The following ZNF763 variants were observed in gnomAD, a reference collection of about 807,000 sequenced individuals.
The protein encoded by ZNF763 is DNA-binding protein.
A neutral mutation model predicts 38.0 loss-of-function variants in ZNF763; 33 were observed. That is an observed-to-expected ratio of 0.87 (90% CI 0.66 to 1.16). ZNF763 has a LOEUF of 1.16. ZNF763 is among the 50% of genes most tolerant of loss of function. ZNF763 has a pLI of 0.00. For missense variants in ZNF763, 423 were observed against 469.1 expected, an observed-to-expected ratio of 0.90 and a Z score of 0.91; for synonymous variants, 155 against 160.1, an observed-to-expected ratio of 0.97 and a Z score of 0.24.
chr19:11,972,013 G>C (rs1394776433), intron 1 of ZNF763, among the ~76,000 whole-genome samples: 1 of 151,478 alleles, frequency 6.6e-6, no homozygotes, highest in Non-Finnish European at 1.5e-5. Context: ...AGTGAGCCAA[G>C]ATGGTGTCAT....
rs546279826 is a variant in ZNF763 at position 11,980,241 on chromosome 19, C to T, written c.*1132C>T. ...ACTAAAACTACAAAAATTGGCCAGG[C>T]GTGGTGGCCTGCTTCTGTAATCCTA... On this transcript the variant is annotated 3_prime_UTR_variant, in exon 4 of 4. Coordinates refer to ENST00000358987, the MANE Select transcript of ZNF763 (RefSeq NM_001367172.2). 9 of 358,390 alleles carry T rather than the reference C, an allele frequency of 2.5e-5. No individual in the cohort carries two copies. The highest frequency in any genetic ancestry group is 4.3e-5 in the Admixed American group (1 of 23,192). 22.2% of individuals were successfully genotyped at this position (358,390 alleles called of 1,614,324 possible).
At chr19:11,976,150 A>G (rs1423370543) in intron 1 of ZNF763, among the ~76,000 whole-genome samples, 1 of 149,416 alleles carries the variant, frequency 6.7e-6, no homozygotes, top group Non-Finnish European at 1.5e-5. Flanking sequence ...TTCTCTAACA[A>G]TGTCATCAAA....
Position 11,974,126 on chromosome 19 carries a change from T to TTTCTTTTC in ZNF763, c.4-2910_4-2909insCTTTTCTT, listed in dbSNP as rs1177618111. Among the ~76,000 whole-genome samples the TTTCTTTTC allele has an allele frequency of 5.4e-3, 295 of 54,978 alleles. 2 individuals carry two copies. Among genetic ancestry groups the TTTCTTTTC allele is most frequent in the South Asian group, 0.011 (15 of 1,376 alleles). 36.1% of individuals were successfully genotyped at this position (54,978 alleles called of 152,430 possible). On this transcript the variant is annotated intron_variant, in intron 1 of 3. Coordinates refer to ENST00000358987, the MANE Select transcript of ZNF763 (RefSeq NM_001367172.2). ...CTTTCTTTCTTTCTTTCTTTCTTTC[T>TTTCTTTTC]TTTCTTTCTTTCTTTCTTTCTTTCT...
chr19:11,965,187 C>T lies in ZNF763; in HGVS notation c.-22C>T. The T allele has an allele frequency of 1.9e-6, 3 of 1,614,070 alleles. No individual in the cohort carries two copies. The South Asian group carries it at 3.3e-5, about 18-fold the overall frequency. ...GTCACAGGAGCTGTAGAGAGGACCC[C>T]AGGACATCTGAAAGCCAGGAAATGG... On this transcript the variant is annotated 5_prime_UTR_variant, in exon 1 of 4. Coordinates refer to ENST00000358987, the MANE Select transcript of ZNF763 (RefSeq NM_001367172.2).
chr19:11,967,976 A>C (rs888611326), intron 1 of ZNF763, among the ~76,000 whole-genome samples: 2 of 152,240 alleles, frequency 1.3e-5, no homozygotes, highest in Admixed American at 6.5e-5. Context: ...TTGAAAGCAC[A>C]TACTATTATG....
Position 11,978,759 on chromosome 19 carries a change from A to G in ZNF763, c.835A>G (p.Thr279Ala), listed in dbSNP as rs762520271. Residue 279 changes from threonine to alanine, a missense_variant, in exon 4 of 4, where the codon ACT becomes GCT. By Grantham distance (58) the Thr-to-Ala change is moderately conservative. Transcript: ENST00000358987. ...TTTTCAAGCACATAAAAGAACCCAC[A>G]CTGGGGGAAAGCCATATGAATGTAA... The part of the protein sequence containing the change: ...SSFQAHKRTH[T>A]GGKPYECKQC... 9.8e-5 allele frequency: 158 copies of G among 1,614,026 alleles called. No individual in the cohort carries two copies. Among genetic ancestry groups the G allele is most frequent in the Middle Eastern group, 1.6e-4 (1 of 6,084 alleles).
At chr19:11,974,859 T>C (rs1054064573) in intron 1 of ZNF763, among the ~76,000 whole-genome samples, 3 of 152,224 alleles carry the variant, frequency 2.0e-5, no homozygotes, top group African/African-American at 7.2e-5. Context: ...TGCCTTGGCC[T>C]TGCAAGGTGC....
intron 1 of ZNF763, among the ~76,000 whole-genome samples, chr19:11,975,449 C>G (rs142360593): frequency 0.017 from 2,584 of 149,622 alleles, 31 homozygotes; most frequent in East Asian, 0.043. Context: ...CCAGGCTGGA[C>G]TGCAGTGGCG....
At position 11,965,149 on chromosome 19, in the gene ZNF763, G is replaced by T; in HGVS notation, c.-60G>T. On this transcript the variant is annotated 5_prime_UTR_variant, in exon 1 of 4. Coordinates refer to ENST00000358987, the MANE Select transcript of ZNF763 (RefSeq NM_001367172.2). ...TTTCTATCGCTCTGTCTCCTGCGCT[G>T]TGCCCTTCTGTAGTCACAGGAGCTG... The T allele has an allele frequency of 6.2e-7, 1 of 1,612,288 alleles. No individual in the cohort carries two copies. Among genetic ancestry groups the T allele is most frequent in the East Asian group, 2.2e-5 (1 of 44,848 alleles).
rs570203330 is a variant in ZNF763 at position 11,973,371 on chromosome 19, C to T, written c.4-3667C>T. On this transcript the variant is annotated intron_variant, in intron 1 of 3. Transcript: ENST00000358987. ...GTCTCTCGATACCTTTGTTGCTTGACGACTCATTTATTTTTTATTTTTATT... is the reference window on the plus strand; with the variant it reads ...GTCTCTCGATACCTTTGTTGCTTGATGACTCATTTATTTTTTATTTTTATT... Among the ~76,000 whole-genome samples the T allele has an allele frequency of 1.2e-4, 18 of 152,194 alleles. No individual in the cohort carries two copies. The East Asian group carries it at 2.7e-3, about 23-fold the overall frequency.
chr19:11,965,915 G>A (rs1183373792), intron 1 of ZNF763, among the ~76,000 whole-genome samples: 1 of 152,162 alleles, frequency 6.6e-6, no homozygotes, highest in African/African-American at 2.4e-5. Context: ...GGCGGGACCT[G>A]TGGAAGGGGG....
At chr19:11,972,925 C>CA (rs34554548) in intron 1 of ZNF763, among the ~76,000 whole-genome samples, 1,381 of 130,766 alleles carry the variant, frequency 0.011, 7 homozygotes, top group African/African-American at 0.015. Flanking sequence ...GACCCTGTTT[C>CA]AAAAAAAAAA....
At chr19:11,969,462 G>A (rs374776198) in intron 1 of ZNF763, among the ~76,000 whole-genome samples, 1 of 152,078 alleles carries the variant, frequency 6.6e-6, no homozygotes, top group African/African-American at 2.4e-5. Context: ...TGTAATCAGC[G>A]GTTAATTGGT....
Position 11,979,753 on chromosome 19 carries a change from C to A in ZNF763, c.*644C>A. The A allele has an allele frequency of 6.3e-7, 1 of 1,589,292 alleles. No homozygotes were observed. The highest frequency in any genetic ancestry group is 8.6e-7 in the Non-Finnish European group (1 of 1,160,082). ...GGAAAGCCTTCAGATCTGCCCCACA[C>A]CTTCGAATCCATGGTAGAACTCACA... On this transcript the variant is annotated 3_prime_UTR_variant, in exon 4 of 4. Coordinates refer to ENST00000358987, the MANE Select transcript of ZNF763 (RefSeq NM_001367172.2).
At chr19:11,977,546 AAT>A in intron 3 of ZNF763, 115 bp downstream of exon 3, 1 of 1,315,938 alleles carries the variant, frequency 7.6e-7, no homozygotes, top group Non-Finnish European at 1.1e-6. Flanking sequence ...CTCTTCTTAG[AAT>A]ATTTTCTCAA....
In ZNF763 at chr19:11,978,961, G is replaced by T. The variant is rs2145348076; in HGVS notation, c.1037G>T (p.Arg346Ile). The change falls in exon 4 of 4, where the codon AGA (arginine) becomes ATA (isoleucine). Residue 346 changes from arginine (R) to isoleucine (I), a missense_variant. Arg to Ile is a moderately conservative substitution (Grantham distance 97). Transcript: ENST00000358987. Reference sequence around the variant, plus strand: ...AAGCCTTATCAATGTAAGGAATGTAGAAAAGCATTCACGTATCCCAGTTCC... The same window carrying T: ...AAGCCTTATCAATGTAAGGAATGTATAAAAGCATTCACGTATCCCAGTTCC... The part of the protein sequence containing the change: ...GEKPYQCKEC[R>I]KAFTYPSSLR... 1 of 1,614,192 alleles carries T rather than the reference G, an allele frequency of 6.2e-7. No individual in the cohort carries two copies. The highest frequency in any genetic ancestry group is 2.2e-5 in the East Asian group (1 of 44,876).
chr19:11,978,947 A>G lies in ZNF763; in HGVS notation c.1023A>G (p.Gln341=), dbSNP rs1973559174. 1.2e-6 allele frequency: 2 copies of G among 1,614,080 alleles called. No homozygotes were observed. Among genetic ancestry groups the G allele is most frequent in the Admixed American group, 1.7e-5 (1 of 60,002 alleles). Residue 341 remains glutamine (Q), a synonymous_variant, in exon 4 of 4, where the codon CAA becomes CAG. Coordinates refer to ENST00000358987, the MANE Select transcript of ZNF763 (RefSeq NM_001367172.2). The part of the protein sequence containing the change: ...KRSHTGEKPY[Q]CKECRKAFTY... The stretch of plus-strand genomic sequence containing the variant: ...GTCACACGGGAGAGAAGCCTTATCA[A>G]TGTAAGGAATGTAGAAAAGCATTCA...
chr19:11,979,997 G>C lies in ZNF763; in HGVS notation c.*888G>C. 1 of 1,169,474 alleles carries C rather than the reference G, an allele frequency of 8.6e-7. No homozygotes were observed. The highest frequency in any genetic ancestry group is 1.3e-6 in the Non-Finnish European group (1 of 791,732). 72.4% of individuals were successfully genotyped at this position (1,169,474 alleles called of 1,614,324 possible). On this transcript the variant is annotated 3_prime_UTR_variant, in exon 4 of 4. Transcript: ENST00000358987. Reference sequence around the variant, plus strand: ...GAAACCCTATGAGTGTAAGCAATGTGGGAAAGCCTTTATTTCTTTCACTTC... The same window carrying C: ...GAAACCCTATGAGTGTAAGCAATGTCGGAAAGCCTTTATTTCTTTCACTTC...
At position 11,977,365 on chromosome 19, in the gene ZNF763, T is replaced by A. The variant is rs1973517863; in HGVS notation, c.131-6T>A. 6.2e-7 allele frequency: 1 copy of A among 1,613,620 alleles called. No individual in the cohort carries two copies. Among genetic ancestry groups the A allele is most frequent in the Non-Finnish European group, 8.5e-7 (1 of 1,179,848 alleles). Reference sequence around the variant, plus strand: ...TCAGGACTACTTTTCTGTGTCTGTATTTTAGGGAAAAAGTGGAAAGACCAG... The same window carrying A: ...TCAGGACTACTTTTCTGTGTCTGTAATTTAGGGAAAAAGTGGAAAGACCAG... On this transcript the variant is annotated splice_polypyrimidine_tract_variant and splice_region_variant and intron_variant, in intron 2 of 3. Coordinates refer to ENST00000358987, the MANE Select transcript of ZNF763 (RefSeq NM_001367172.2).
Sources: allele counts gnomAD v4.1 joint callset (sites outside exome capture counted in the v4.1 genomes callset), GRCh38; gene constraint gnomAD v4.1.1; transcripts MANE v1.5; gene names NCBI Gene and HGNC (gene_info 2026-07-23, HGNC 2026-07-21).